Variants in HNRNPDL observed in about 807,000 individuals in gnomAD.
HNRNPDL encodes heterogeneous nuclear ribonucleoprotein D-like.
HNRNPDL carries 18 observed loss-of-function variants against 48.0 expected under a neutral mutation model. That is an observed-to-expected ratio of 0.38 (90% confidence interval 0.26 to 0.56). The LOEUF is 0.56. Ranked by LOEUF, HNRNPDL falls within the 20% of genes least tolerant of loss-of-function variation. HNRNPDL has a pLI of 0.77. For missense variants in HNRNPDL, 553 were observed against 540.7 expected (o/e 1.02, Z -0.23); for synonymous variants, 306 against 207.3 (o/e 1.48, Z -4.09).
chr4:82,426,980 T>C (rs1304624190), intron 5 of HNRNPDL, among the ~76,000 whole-genome samples: 3 of 152,172 alleles, frequency 2.0e-5, no homozygotes, highest in African/African-American at 7.2e-5. Flanking sequence ...ATGACACTAA[T>C]TGTCAAAGTG....
intron 1 of HNRNPDL, among the ~76,000 whole-genome samples, 179 bp downstream of exon 1, chr4:82,429,069 G>T (rs1302636936): frequency 6.6e-6 from 1 of 151,978 alleles, no homozygotes. Context: ...ACTCTTCCCG[G>T]GTCTCTCCAG....
At chr4:82,428,892 C>A (rs193096028) in intron 1 of HNRNPDL, among the ~76,000 whole-genome samples, 133 of 152,342 alleles carry the variant, frequency 8.7e-4, no homozygotes, top group Non-Finnish European at 3.7e-4. Flanking sequence ...AAACTCTTCC[C>A]AGGAAAACCG....
At position 82,430,279 on chromosome 4, in the gene HNRNPDL, T is replaced by A. The variant is rs1392036172; in HGVS notation, c.-589A>T. ...GGGGCTGGCCAGATGACTGTATCTA[T>A]GCAAAGGCGGAGGCGGTGGGCGGGG... On this transcript the variant is annotated 5_prime_UTR_variant, in exon 1 of 8. Transcript: ENST00000295470. 1 of 151,090 alleles carries A rather than the reference T, an allele frequency of 6.6e-6. No homozygotes were observed. Among genetic ancestry groups the A allele is most frequent in the Non-Finnish European group, 1.5e-5 (1 of 68,134 alleles). 9.4% of individuals were successfully genotyped at this position (151,090 alleles called of 1,614,324 possible). A position where few individuals can be genotyped will look rare whatever the true frequency, so the allele number is the denominator to read the frequency against.
rs892660176 is a variant in HNRNPDL, at chr4:82,424,164, T to C, written c.*742A>G. 6.6e-6 allele frequency: 1 copy of C among 152,230 alleles called. No individual in the cohort carries two copies. The allele number at this position is 152,230 out of a possible 1,614,324, so 9.4% of individuals were successfully genotyped here. ...TGCTCCTTTTGTATCTGAACTTTTA[T>C]CAAGAATTACTCATTGTGTTATGAT... is the stretch of plus-strand genomic sequence containing the variant. On this transcript the variant is annotated 3_prime_UTR_variant, in exon 8 of 8. Transcript: ENST00000295470.
At position 82,430,447 on chromosome 4, in the gene HNRNPDL, C is replaced by G. The variant is rs1437010177; in HGVS notation, c.-757G>C. 1.9e-5 allele frequency: 4 copies of G among 208,882 alleles called. No individual in the cohort carries two copies. The highest frequency in any genetic ancestry group is 3.8e-5 in the Non-Finnish European group (4 of 103,962). 12.9% of individuals were successfully genotyped at this position (208,882 alleles called of 1,614,324 possible). On this transcript the variant is annotated 5_prime_UTR_variant, in exon 1 of 8. Coordinates refer to ENST00000295470, the MANE Select transcript of HNRNPDL (RefSeq NM_031372.4). Reference sequence around the variant, plus strand: ...CGCGCTCTCGCGCACCCTGCTCCCGCGTTCGCTTCTTTGTTCCCGCCCACG... The same window carrying G: ...CGCGCTCTCGCGCACCCTGCTCCCGGGTTCGCTTCTTTGTTCCCGCCCACG...
chr4:82,428,031 C>T lies in HNRNPDL; in HGVS notation c.761G>A (p.Gly254Glu). The change falls in exon 3 of 8, where the codon GGA becomes GAA. Residue 254 changes from glycine to glutamate, a missense_variant. By Grantham distance (98) the Gly-to-Glu change is moderately conservative (BLOSUM62 -2). Around this residue, in one of 4 missense-constraint regions of HNRNPDL, gnomAD observed 174 missense variants for 204.6 expected, o/e 0.85. Transcript: ENST00000295470. The stretch of plus-strand genomic sequence containing the variant: ...ATAATCACACACCTCTCCAAAGGCT[C>T]CAAAATATTCTTTAATTTGTTCTTC... Reference protein sequence around the residue: ...TSEEQIKEYFGAFGEIENIEL... With the variant: ...TSEEQIKEYFEAFGEIENIEL... 6.2e-7 allele frequency: 1 copy of T among 1,613,966 alleles called. No homozygotes were observed. Among genetic ancestry groups the T allele is most frequent in the South Asian group, 1.1e-5 (1 of 91,064 alleles).
chr4:82,426,125 T>C lies in HNRNPDL; in HGVS notation c.1197A>G (p.Gln399=). 1.2e-6 allele frequency: 2 copies of C among 1,613,002 alleles called. No individual in the cohort carries two copies. Among genetic ancestry groups the C allele is most frequent in the East Asian group, 4.5e-5 (2 of 44,850 alleles). The change falls in exon 7 of 8, where the codon CAA becomes CAG. Residue 399 remains glutamine (Q), a synonymous_variant. Coordinates refer to ENST00000295470, the MANE Select transcript of HNRNPDL (RefSeq NM_031372.4). ...YGQGYADYSG[Q]QSTYGKASRG... ...GAGATGCCTTGCCATAAGTGCTCTG[T>C]TGGCCTATTTTGAAAACACAGAATT... is the stretch of plus-strand genomic sequence containing the variant.
intron 1 of HNRNPDL, among the ~76,000 whole-genome samples, chr4:82,428,763 TA>T (rs1004970407): frequency 2.6e-5 from 4 of 152,300 alleles, no homozygotes; most frequent in Non-Finnish European, 2.9e-5. Flanking sequence ...TTATCTTACT[TA>T]GGTCCATCTT....
Position 82,430,168 on chromosome 4 carries a change from G to A in HNRNPDL, c.-478C>T, listed in dbSNP as rs1721669438. On this transcript the variant is annotated 5_prime_UTR_variant, in exon 1 of 8. Transcript: ENST00000295470. The stretch of plus-strand genomic sequence containing the variant: ...CTGTGACCACGGGCGCGCGGGCCAA[G>A]GGGGCGCGGCGGGGCCTCCCGGGCT... 1 of 152,354 alleles carries A rather than the reference G, an allele frequency of 6.6e-6. No homozygotes were observed. The highest frequency in any genetic ancestry group is 2.4e-5 in the African/African-American group (1 of 41,442). The allele number at this position is 152,354 out of a possible 1,614,324, so 9.4% of individuals were successfully genotyped here.
In HNRNPDL at chr4:82,423,801, A is replaced by C. The variant is rs1262039938; in HGVS notation, c.*1105T>G. On this transcript the variant is annotated 3_prime_UTR_variant, in exon 8 of 8. Coordinates refer to ENST00000295470, the MANE Select transcript of HNRNPDL (RefSeq NM_031372.4). ...CAGTCACATTTGTAATGACTTAGTC[A>C]CATTTGTAATGACTTTGTCATAACC... 1 of 133,894 alleles carries C rather than the reference A, an allele frequency of 7.5e-6. No individual in the cohort carries two copies. The highest frequency in any genetic ancestry group is 1.7e-5 in the Non-Finnish European group (1 of 59,044). 8.3% of individuals were successfully genotyped at this position (133,894 alleles called of 1,614,324 possible).
At position 82,429,231 on chromosome 4, in the gene HNRNPDL, G is replaced by A. The variant is rs767979513; in HGVS notation, c.443+17C>T. 7 of 1,611,344 alleles carry A rather than the reference G, an allele frequency of 4.3e-6. No individual in the cohort carries two copies. The highest frequency in any genetic ancestry group is 2.2e-5 in the South Asian group (2 of 91,050). On this transcript the variant is annotated intron_variant, in intron 1 of 7. Coordinates refer to ENST00000295470, the MANE Select transcript of HNRNPDL (RefSeq NM_031372.4). ...GCGCGCTGGGGGAGGGGGAGCGGGGGAAGAAGCGTGCGGTACCCGTCATCC... is the reference window on the plus strand; with the variant it reads ...GCGCGCTGGGGGAGGGGGAGCGGGGAAAGAAGCGTGCGGTACCCGTCATCC...
rs746022795 is a variant in HNRNPDL at position 82,429,702 on chromosome 4, C to G, written c.-12G>C. 3.0e-6 allele frequency: 4 copies of G among 1,346,330 alleles called. No individual in the cohort carries two copies. Among genetic ancestry groups the G allele is most frequent in the Non-Finnish European group, 2.9e-6 (3 of 1,052,010 alleles). The allele number at this position is 1,346,330 out of a possible 1,614,324, so 83.4% of individuals were successfully genotyped here. On this transcript the variant is annotated 5_prime_UTR_variant, in exon 1 of 8. Transcript: ENST00000295470. Reference sequence around the variant, plus strand: ...GGCGGGACCTCCATCGCGGCCCTCCCGGCAAGGAGAGAGGCCACGCGTGAG... The same window carrying G: ...GGCGGGACCTCCATCGCGGCCCTCCGGGCAAGGAGAGAGGCCACGCGTGAG...
chr4:82,429,242 C>A lies in HNRNPDL; in HGVS notation c.443+6G>T, dbSNP rs776001856. The A allele has an allele frequency of 2.5e-6, 4 of 1,612,498 alleles. No homozygotes were observed. The highest frequency in any genetic ancestry group is 1.3e-5 in the African/African-American group (1 of 75,026). Reference sequence around the variant, plus strand: ...GAGGGGGAGCGGGGGAAGAAGCGTGCGGTACCCGTCATCCTGCTGATTCTT... The same window carrying A: ...GAGGGGGAGCGGGGGAAGAAGCGTGAGGTACCCGTCATCCTGCTGATTCTT... On this transcript the variant is annotated splice_donor_region_variant and intron_variant, in intron 1 of 7. Transcript: ENST00000295470.
At chr4:82,426,694 T>C in intron 5 of HNRNPDL, 61 bp from the exon 6 acceptor site, 2 of 1,334,110 alleles carry the variant, frequency 1.5e-6, no homozygotes, top group Non-Finnish European at 2.1e-6. Context: ...TAACATAAAA[T>C]GATGCGTTCT....
intron 1 of HNRNPDL, among the ~76,000 whole-genome samples, chr4:82,428,973 C>T (rs1721548785): frequency 6.6e-6 from 1 of 152,174 alleles, no homozygotes; most frequent in South Asian, 2.1e-4. Context: ...GAGGCCGGCC[C>T]CTCCCCCCCG....
In HNRNPDL at chr4:82,429,700, C is replaced by G; in HGVS notation, c.-10G>C. 1 of 1,349,498 alleles carries G rather than the reference C, an allele frequency of 7.4e-7. No individual in the cohort carries two copies. The highest frequency in any genetic ancestry group is 9.5e-7 in the Non-Finnish European group (1 of 1,053,568). 83.6% of individuals were successfully genotyped at this position (1,349,498 alleles called of 1,614,324 possible). A position where few individuals can be genotyped will look rare whatever the true frequency, so the allele number is the denominator to read the frequency against. ...TGGGCGGGACCTCCATCGCGGCCCT[C>G]CCGGCAAGGAGAGAGGCCACGCGTG... On this transcript the variant is annotated 5_prime_UTR_variant, in exon 1 of 8. Coordinates refer to ENST00000295470, the MANE Select transcript of HNRNPDL (RefSeq NM_031372.4).
rs544794524 is a variant in HNRNPDL at position 82,429,237 on chromosome 4, G to C, written c.443+11C>G. On this transcript the variant is annotated intron_variant, in intron 1 of 7. Coordinates refer to ENST00000295470, the MANE Select transcript of HNRNPDL (RefSeq NM_031372.4). ...TGGGGGAGGGGGAGCGGGGGAAGAAGCGTGCGGTACCCGTCATCCTGCTGA... is the reference window on the plus strand; with the variant it reads ...TGGGGGAGGGGGAGCGGGGGAAGAACCGTGCGGTACCCGTCATCCTGCTGA... The C allele has an allele frequency of 5.0e-6, 8 of 1,612,410 alleles. No homozygotes were observed. Among genetic ancestry groups the C allele is most frequent in the Non-Finnish European group, 5.1e-6 (6 of 1,179,244 alleles).
Position 82,429,425 on chromosome 4 carries a change from T to TGGCGGCGGAAGAGATCCG in HNRNPDL, c.248_265dup (p.Pro83_Arg88dup). 1 of 1,612,636 alleles carries TGGCGGCGGAAGAGATCCG rather than the reference T, an allele frequency of 6.2e-7. No individual in the cohort carries two copies. The highest frequency in any genetic ancestry group is 8.5e-7 in the Non-Finnish European group (1 of 1,179,538). On this transcript the variant is annotated inframe_insertion, in exon 1 of 8. Transcript: ENST00000295470. ...GCGTTGTATGGAGCTGGATTTAAAA[T>TGGCGGCGGAAGAGATCCG]GGCGGCGGAAGAGATCCGGGCGCCG...
Position 82,426,514 on chromosome 4 carries a change from C to T in HNRNPDL, c.1141G>A (p.Gly381Arg), listed in dbSNP as rs767819688. 1 of 1,612,552 alleles carries T rather than the reference C, an allele frequency of 6.2e-7. No homozygotes were observed. The highest frequency in any genetic ancestry group is 1.3e-5 in the African/African-American group (1 of 74,998). Reference sequence around the variant, plus strand: ...TATCCATAGTTCCCATAGTTATACCCAGTATAATCATATCCGCCATAGCCA... The same window carrying T: ...TATCCATAGTTCCCATAGTTATACCTAGTATAATCATATCCGCCATAGCCA... ...YSGYGGYDYT[G>R]YNYGNYGYGQ... Residue 381 changes from glycine (G) to arginine (R), a missense_variant, in exon 6 of 8, where the codon GGG becomes AGG. Physicochemically the swap from Gly to Arg is moderately radical, Grantham distance 125. Coordinates refer to ENST00000295470, the MANE Select transcript of HNRNPDL (RefSeq NM_031372.4).
Sources: gnomAD v4.1 joint callset for allele counts (sites outside exome capture counted in the v4.1 genomes callset) on GRCh38, gnomAD v4.1.1 for gene constraint, gnomAD v4.1.1 regional missense constraint, MANE v1.5 for transcripts, NCBI Gene and HGNC (gene_info 2026-07-23, HGNC 2026-07-21) for gene names.